EML6: variants seen among roughly 807,000 people sequenced by gnomAD.
The protein encoded by EML6 is echinoderm microtubule-associated protein-like 6.
Under a neutral mutation model 240.1 loss-of-function variants are expected in EML6, and 154 were observed. The observed-to-expected ratio is 0.64, with a 90% CI of 0.56 to 0.73. The LOEUF is 0.73. EML6 is among the 30% of genes least tolerant of loss of function. EML6 has a pLI of 0.00. For synonymous variants in EML6, 1,148 were observed against 899.0 expected (o/e 1.28, Z -4.95); for missense variants, 2,964 against 2,474.6 (o/e 1.20, Z -4.20).
intron 28 of EML6, among the ~76,000 whole-genome samples, chr2:54,932,658 A>C (rs1674923671): frequency 6.6e-6 from 1 of 152,200 alleles, no homozygotes; most frequent in Non-Finnish European, 1.5e-5. Flanking sequence ...ATGAAGGAGG[A>C]AAGCATAGTT....
At chr2:54,908,998 A>G (rs1228601852) in intron 24 of EML6, among the ~76,000 whole-genome samples, 1 of 152,124 alleles carries the variant, frequency 6.6e-6, no homozygotes, top group Non-Finnish European at 1.5e-5. Context: ...ATTCTCGAAT[A>G]TTTTTGCAAT....
chr2:54,821,191 T>C (rs982687443), intron 5 of EML6, among the ~76,000 whole-genome samples: 2 of 152,148 alleles, frequency 1.3e-5, no homozygotes, highest in Non-Finnish European at 2.9e-5. Context: ...TGTACAAAAA[T>C]GGTACATTTC....
intron 8 of EML6, among the ~76,000 whole-genome samples, chr2:54,846,213 G>GCC (rs1261093027): frequency 2.0e-5 from 3 of 152,136 alleles, no homozygotes; most frequent in African/African-American, 7.2e-5. Flanking sequence ...CTTGTGAGGA[G>GCC]CAACAGAGGG....
At position 54,891,700 on chromosome 2, in the gene EML6, A is replaced by C. The variant is rs116038809; in HGVS notation, c.2539+546A>C. 5.3e-5 allele frequency among the ~76,000 whole-genome samples: 8 copies of C among 152,316 alleles called. No individual in the cohort carries two copies. In the East Asian group the frequency reaches 1.5e-3, roughly 29 times the overall value. ...ATACAATTGAATCTGAATTCTTAGT[A>C]TCAGCTTTGGTGCCAAGCCCTAACT... On this transcript the variant is annotated intron_variant, in intron 18 of 41. Coordinates refer to ENST00000356458, the MANE Select transcript of EML6 (RefSeq NM_001039753.4).
In EML6 at chr2:54,964,189, A is replaced by G. The variant is rs1260217154; in HGVS notation, c.5330+31A>G. ...TAAGTGGGTGGTCTGGGCATGGAGG[A>G]GAAAGGCAAGCATTCTGCTTACCAG... is the stretch of plus-strand genomic sequence containing the variant. On this transcript the variant is annotated intron_variant, in intron 37 of 41. Transcript: ENST00000356458. The G allele has an allele frequency of 8.4e-6, 13 of 1,544,370 alleles. 2 individuals are homozygous for G. In the South Asian group the frequency reaches 1.3e-4, roughly 16 times the overall value.
chr2:54,891,527 A>G (rs762894821), intron 18 of EML6, among the ~76,000 whole-genome samples: 7 of 152,300 alleles, frequency 4.6e-5, no homozygotes, highest in Middle Eastern at 3.4e-3. Flanking sequence ...TCTATTACTG[A>G]ATTTAAACCT....
Position 54,850,227 on chromosome 2 carries a change from TG to T in EML6, c.1444+10del. The T allele has an allele frequency of 6.5e-7, 1 of 1,549,316 alleles. No homozygotes were observed. Among genetic ancestry groups the T allele is most frequent in the Non-Finnish European group, 8.7e-7 (1 of 1,145,044 alleles). ...GTTCTACAGAATGCCATGTAAGTCA[TG>T]TGGAGGCCTTGGATGTTTCTGGAAA... On this transcript the variant is annotated intron_variant, in intron 10 of 41. Coordinates refer to ENST00000356458, the MANE Select transcript of EML6 (RefSeq NM_001039753.4).
At chr2:54,838,989 A>G (rs574119398) in intron 7 of EML6, among the ~76,000 whole-genome samples, 1 of 152,342 alleles carries the variant, frequency 6.6e-6, no homozygotes, top group African/African-American at 2.4e-5. Flanking sequence ...ATACTAGCTT[A>G]TATTTCTCTG....
intron 22 of EML6, among the ~76,000 whole-genome samples, chr2:54,900,095 A>G (rs1434348111): frequency 6.6e-6 from 1 of 152,224 alleles, no homozygotes; most frequent in African/African-American, 2.4e-5. Context: ...ATCAGCTTTT[A>G]AAGAATGCTA....
In EML6 at chr2:54,739,696, C is replaced by T. The variant is rs1005734862; in HGVS notation, c.197+14438C>T. Among the ~76,000 whole-genome samples, 60 of 152,256 alleles carry T rather than the reference C, an allele frequency of 3.9e-4. 1 individual carries two copies. Among genetic ancestry groups the T allele is most frequent in the African/African-American group, 1.4e-3 (60 of 41,544 alleles). On this transcript the variant is annotated intron_variant, in intron 2 of 41. Transcript: ENST00000356458. ...AGTTACCCAAAGTGTGTGAGAGCCT[C>T]AGGACATACTCCTAGCCCATTCATG...
intron 8 of EML6, among the ~76,000 whole-genome samples, chr2:54,844,894 A>T (rs558332752): frequency 6.6e-6 from 1 of 152,286 alleles, no homozygotes; most frequent in South Asian, 2.1e-4. Context: ...TGAACATATG[A>T]CTTAAAGGTT....
At chr2:54,802,773 C>A (rs1382514046) in intron 2 of EML6, among the ~76,000 whole-genome samples, 1 of 152,126 alleles carries the variant, frequency 6.6e-6, no homozygotes, top group African/African-American at 2.4e-5. Context: ...GTCTCACACC[C>A]TGTGCTGAGC....
At chr2:54,841,630 C>G (rs1437276798) in intron 7 of EML6, among the ~76,000 whole-genome samples, 1 of 141,168 alleles carries the variant, frequency 7.1e-6, no homozygotes, top group African/African-American at 2.6e-5. Flanking sequence ...TGCTCTGTCG[C>G]CCAGGCTGGA....
intron 9 of EML6, 32 bp from the exon 10 acceptor site, chr2:54,849,930 G>C: frequency 1.3e-6 from 2 of 1,527,890 alleles, no homozygotes; most frequent in Non-Finnish European, 1.8e-6. Context: ...TTGTAGAATT[G>C]CTGCTTATCG....
At chr2:54,749,858 A>C (rs571447771) in intron 2 of EML6, among the ~76,000 whole-genome samples, 1 of 152,330 alleles carries the variant, frequency 6.6e-6, no homozygotes, top group African/African-American at 2.4e-5. Flanking sequence ...GATGGTAAGA[A>C]TCAGGGATAT....
intron 34 of EML6, 71 bp from the exon 35 acceptor site, chr2:54,960,149 G>C: frequency 1.8e-6 from 2 of 1,113,904 alleles, no homozygotes; most frequent in Non-Finnish European, 2.6e-6. Context: ...GGAAAGAGGG[G>C]AGAGGGCCGG....
intron 14 of EML6, chr2:54,868,509 G>T (rs564702792): frequency 6.6e-6 from 1 of 152,124 alleles, no homozygotes; most frequent in Non-Finnish European, 1.5e-5. Context: ...AAATAATTAG[G>T]TAAGAATGGA....
chr2:54,725,276 G>T lies in EML6; in HGVS notation c.197+18G>T. 1 of 1,397,372 alleles carries T rather than the reference G, an allele frequency of 7.2e-7. No individual in the cohort carries two copies. The highest frequency in any genetic ancestry group is 9.4e-7 in the Non-Finnish European group (1 of 1,063,726). The allele number at this position is 1,397,372 out of a possible 1,614,324, so 86.6% of individuals were successfully genotyped here. A position where few individuals can be genotyped will look rare whatever the true frequency, so the allele number is the denominator to read the frequency against. Reference sequence around the variant, plus strand: ...ATTATCAGGTAAGGGGGTGGCCAGGGGCGGCGGGGAGGGGTTGCGTGTGGA... The same window carrying T: ...ATTATCAGGTAAGGGGGTGGCCAGGTGCGGCGGGGAGGGGTTGCGTGTGGA... On this transcript the variant is annotated intron_variant, in intron 2 of 41. Transcript: ENST00000356458. The surrounding 1 kb of genome is among the most constrained non-coding windows in gnomAD (Gnocchi z 4.3).
chr2:54,968,395 C>A, intron 40 of EML6, 114 bp downstream of exon 40: 1 of 1,030,694 alleles, frequency 9.7e-7, no homozygotes, highest in Non-Finnish European at 1.4e-6. Flanking sequence ...TGTCCCGGTA[C>A]AGTGGAAATA....
Sources: allele counts gnomAD v4.1 joint callset (sites outside exome capture counted in the v4.1 genomes callset), GRCh38; gene constraint gnomAD v4.1.1; non-coding constraint Gnocchi (gnomAD v3.1); transcripts MANE v1.5; gene names NCBI Gene and HGNC (gene_info 2026-07-23, HGNC 2026-07-21).